Variants in PCTP observed in about 807,000 individuals in gnomAD.
The protein encoded by PCTP is phosphatidylcholine transfer protein, also known as START domain-containing protein 2.
A neutral mutation model predicts 31.0 loss-of-function variants in PCTP; 27 were observed. The observed-to-expected ratio is 0.87, with a 90% confidence interval of 0.64 to 1.20. The LOEUF (loss-of-function observed/expected upper bound fraction) is 1.20. PCTP is among the 50% of genes most tolerant of loss of function. PCTP has a pLI of 0.00. For missense variants in PCTP, 287 were observed against 268.2 expected (o/e 1.07, Z -0.49); for synonymous variants, 108 against 101.2 (o/e 1.07, Z -0.40).
chr17:55,844,053 C>T (rs1269653387), downstream of PCTP, among the ~76,000 whole-genome samples: 4 of 152,198 alleles, frequency 2.6e-5, no homozygotes, highest in East Asian at 5.8e-4. Flanking sequence ...AGAGAGGAAG[C>T]GATAAATGGC....
intron 5 of PCTP, chr17:55,775,163 A>G (rs1458574635): frequency 8.4e-7 from 1 of 1,186,314 alleles, no homozygotes; most frequent in Non-Finnish European, 1.1e-6. Context: ...TAGTAGGAAC[A>G]ATAGTGCCTT....
rs1033657263 is a variant in PCTP at position 55,777,153 on chromosome 17, T to G, written c.*1053T>G. 1 of 985,694 alleles carries G rather than the reference T, an allele frequency of 1.0e-6. No homozygotes were observed. The highest frequency in any genetic ancestry group is 1.7e-5 in the African/African-American group (1 of 57,222). 61.1% of individuals were successfully genotyped at this position (985,694 alleles called of 1,614,324 possible). ...TAGTTTTCTATGCTTTCTCCTGAATTTTGGTAGGGTAAGGTATTTCTATGT... is the reference window on the plus strand; with the variant it reads ...TAGTTTTCTATGCTTTCTCCTGAATGTTGGTAGGGTAAGGTATTTCTATGT... On this transcript the variant is annotated 3_prime_UTR_variant, in exon 6 of 6. Transcript: ENST00000268896.
intron 3 of PCTP, among the ~76,000 whole-genome samples, chr17:55,792,439 C>A (rs974761984): frequency 3.3e-5 from 5 of 151,940 alleles, no homozygotes; most frequent in Non-Finnish European, 4.4e-5. Flanking sequence ...CACACTACAT[C>A]TTTTGATACA....
At chr17:55,752,822 T>A (rs1283741261) in intron 1 of PCTP, among the ~76,000 whole-genome samples, 3 of 152,230 alleles carry the variant, frequency 2.0e-5, no homozygotes, top group African/African-American at 4.8e-5. Flanking sequence ...AAGTTCACAG[T>A]CTAGAACAGG....
chr17:55,819,171 G>A (rs907940563), intron 3 of PCTP, among the ~76,000 whole-genome samples: 1 of 151,892 alleles, frequency 6.6e-6, no homozygotes, highest in African/African-American at 2.4e-5. Context: ...CCTGCTAAAG[G>A]GTGTTTATGA....
chr17:55,804,775 A>T (rs1218923451), intron 3 of PCTP, among the ~76,000 whole-genome samples: 1 of 152,112 alleles, frequency 6.6e-6, no homozygotes, highest in Non-Finnish European at 1.5e-5. Flanking sequence ...TGACGGGTTG[A>T]TGGGTGCAGC....
At chr17:55,834,046 A>G (rs1472239040) in intron 5 of PCTP, among the ~76,000 whole-genome samples, 3 of 152,196 alleles carry the variant, frequency 2.0e-5, no homozygotes, top group African/African-American at 7.2e-5. Context: ...AAAGAGGTGT[A>G]TCTCACGAAA....
chr17:55,838,942 G>C (rs1284253359), intron 5 of PCTP, among the ~76,000 whole-genome samples: 1 of 152,128 alleles, frequency 6.6e-6, no homozygotes, highest in Non-Finnish European at 1.5e-5. Flanking sequence ...AAACTGGAAG[G>C]CATTTGATCT....
At chr17:55,800,415 C>CATCTGCA (rs1912336706) in intron 3 of PCTP, among the ~76,000 whole-genome samples, 1 of 151,900 alleles carries the variant, frequency 6.6e-6, no homozygotes, top group South Asian at 2.1e-4. Context: ...CTGTGTTTTT[C>CATCTGCA]ATCTGCATCA....
At chr17:55,836,744 C>G (rs1465843993) in intron 5 of PCTP, among the ~76,000 whole-genome samples, 1 of 152,192 alleles carries the variant, frequency 6.6e-6, no homozygotes, top group Non-Finnish European at 1.5e-5. Flanking sequence ...TTATTGTCTT[C>G]TGCCATGAAA....
At chr17:55,841,045 G>A (rs1905965465) in intron 5 of PCTP, among the ~76,000 whole-genome samples, 2 of 152,166 alleles carry the variant, frequency 1.3e-5, no homozygotes, top group Admixed American at 6.5e-5. Context: ...TATCTTCCAC[G>A]AACAAGGTGG....
rs145295894 is a variant in PCTP, at chr17:55,790,379, C to T, written c.317+2725C>T. 5.0e-3 allele frequency among the ~76,000 whole-genome samples: 766 copies of T among 152,012 alleles called. 7 individuals are homozygous for T. Among genetic ancestry groups the T allele is most frequent in the African/African-American group, 0.017 (705 of 41,350 alleles). ...AAGTCAAATTGTCCCTGTTTGCAAA[C>T]GACATGATTGTATATCTAGAAAACC... is the stretch of plus-strand genomic sequence containing the variant. On this transcript the variant is annotated intron_variant, in intron 3 of 3. Coordinates refer to the PCTP transcript ENST00000572536.
intron 4 of PCTP, 112 bp downstream of exon 4, chr17:55,774,007 C>T (rs1911166447): frequency 1.6e-6 from 2 of 1,280,006 alleles, no homozygotes; most frequent in Non-Finnish European, 2.1e-6. Flanking sequence ...GGTCAGAGGA[C>T]AGGCAAAGCT....
chr17:55,794,643 A>G (rs1417221720), intron 3 of PCTP, among the ~76,000 whole-genome samples: 1 of 152,100 alleles, frequency 6.6e-6, no homozygotes, highest in Non-Finnish European at 1.5e-5. Context: ...ACTTGAAATT[A>G]GAGGGCAAAA....
rs749880249 is a variant in PCTP at position 55,773,986 on chromosome 17, G to A, written c.511+91G>A. On this transcript the variant is annotated intron_variant, in intron 4 of 5. Transcript: ENST00000268896. ...GGGGGACATGTCGAGTACATGAAGCGTATCCCTGAAGGTCAGAGGACAGGC... is the reference window on the plus strand; with the variant it reads ...GGGGGACATGTCGAGTACATGAAGCATATCCCTGAAGGTCAGAGGACAGGC... 96 of 1,401,702 alleles carry A rather than the reference G, an allele frequency of 6.8e-5. No homozygotes were observed. The African/African-American group carries it at 8.4e-4, about 12-fold the overall frequency. 86.8% of individuals were successfully genotyped at this position (1,401,702 alleles called of 1,614,324 possible). A position where few individuals can be genotyped will look rare whatever the true frequency, so the allele number is the denominator to read the frequency against.
intron 3 of PCTP, among the ~76,000 whole-genome samples, chr17:55,806,724 T>C (rs1327021655): frequency 6.6e-6 from 1 of 152,168 alleles, no homozygotes; most frequent in Non-Finnish European, 1.5e-5. Flanking sequence ...TAATACCTGC[T>C]GAGTTTTAGA....
intron 5 of PCTP, among the ~76,000 whole-genome samples, chr17:55,832,294 C>T (rs1905628568): frequency 6.6e-6 from 1 of 152,172 alleles, no homozygotes; most frequent in African/African-American, 2.4e-5. Flanking sequence ...ATGCTGATTG[C>T]ACAAAGTATC....
chr17:55,826,288 T>C (rs1291437000), downstream of PCTP, among the ~76,000 whole-genome samples: 1 of 152,058 alleles, frequency 6.6e-6, no homozygotes, highest in Admixed American at 6.6e-5. Flanking sequence ...GCTGGGAAGG[T>C]ACAGAAGTAC....
intron 3 of PCTP, among the ~76,000 whole-genome samples, chr17:55,805,231 C>T (rs937861586): frequency 6.6e-6 from 1 of 152,016 alleles, no homozygotes; most frequent in Non-Finnish European, 1.5e-5. Context: ...ATTTTAGATT[C>T]AGGGGTTTAT....
Sources: allele counts gnomAD v4.1 joint callset (sites outside exome capture counted in the v4.1 genomes callset), GRCh38; gene constraint gnomAD v4.1.1; transcripts MANE v1.5; gene names NCBI Gene and HGNC (gene_info 2026-07-23, HGNC 2026-07-21).